The following MYH11 variants were observed in gnomAD, a reference collection of about 807,000 sequenced individuals.
MYH11 encodes the protein myosin-11.
A neutral mutation model predicts 246.6 loss-of-function variants in MYH11; 80 were observed. The observed-to-expected ratio is 0.32, with a 90% CI of 0.27 to 0.39. The LOEUF (loss-of-function observed/expected upper bound fraction) is 0.39. MYH11 is among the 10% of genes least tolerant of loss of function. The pLI is 1.00. For synonymous variants in MYH11, 1,071 were observed against 1,015.5 expected (o/e 1.05, Z -1.04); for missense variants, 2,158 against 2,546.8 (o/e 0.85, Z 3.29).
intron 33 of MYH11, 79 bp downstream of exon 33, chr16:15,720,760 C>T: frequency 6.8e-7 from 1 of 1,467,660 alleles, no homozygotes; most frequent in Non-Finnish European, 9.5e-7. Context: ...ACGAAGTTTC[C>T]ACACCAACCA....
At chr16:15,845,971 T>C (rs1260172883) in intron 1 of MYH11, among the ~76,000 whole-genome samples, 1 of 152,032 alleles carries the variant, frequency 6.6e-6, no homozygotes, top group African/African-American at 2.4e-5. Context: ...TGGTGGTACG[T>C]GCCTGTAGCC....
rs140143700 is a variant in MYH11 at position 15,737,538 on chromosome 16, G to A, written c.3204C>T (p.His1068=). ...RKLEGDASDF[H]EQIADLQAQI... ...GCGCCTGGAGGTCAGCGATCTGCTC[G>A]TGGAAGTCGCTGGCATCACCCTCCA... Residue 1068 remains histidine (H), a synonymous_variant, in exon 25 of 41, where the codon CAC becomes CAT. Coordinates refer to ENST00000300036, the MANE Select transcript of MYH11 (RefSeq NM_002474.3). The A allele has an allele frequency of 1.7e-5, 27 of 1,613,898 alleles. No individual in the cohort carries two copies. The African/African-American group carries it at 1.9e-4, about 11-fold the overall frequency.
chr16:15,703,232 C>T lies in MYH11; in HGVS notation c.*759G>A, dbSNP rs1261320983. The T allele has an allele frequency of 4.7e-5, 10 of 214,120 alleles. No individual in the cohort carries two copies. The East Asian group carries it at 6.9e-4, about 15-fold the overall frequency. 13.3% of individuals were successfully genotyped at this position (214,120 alleles called of 1,614,324 possible). ...GCTCCCCTCCGTGGGAGCAGCGTCT[C>T]CTTTTCAATTCATGTGACTACAGAA... On this transcript the variant is annotated 3_prime_UTR_variant, in exon 41 of 41. Transcript: ENST00000300036.
At chr16:15,801,267 A>G (rs576868093) in intron 3 of MYH11, among the ~76,000 whole-genome samples, 3 of 152,306 alleles carry the variant, frequency 2.0e-5, no homozygotes, top group African/African-American at 7.2e-5. Flanking sequence ...AACCAGGCAG[A>G]GCTTTGTGGA....
intron 6 of MYH11, chr16:15,779,162 T>G (rs2042291428): frequency 2.3e-6 from 1 of 431,924 alleles, no homozygotes; most frequent in Admixed American, 3.5e-5. Flanking sequence ...AAGGTTTTGC[T>G]CTGTCAGCGA....
chr16:15,713,653 A>T (rs2039948421), intron 40 of MYH11: 1 of 152,176 alleles, frequency 6.6e-6, no homozygotes, highest in Non-Finnish European at 1.5e-5. Flanking sequence ...GCGCCATCCC[A>T]CCTGGCTGAT....
At chr16:15,794,090 C>A (rs2042686204) in intron 4 of MYH11, among the ~76,000 whole-genome samples, 1 of 148,820 alleles carries the variant, frequency 6.7e-6, no homozygotes, top group Non-Finnish European at 1.5e-5. Flanking sequence ...ACTACAGGCA[C>A]CCGCCACCAT....
chr16:15,784,618 G>A (rs2074198109), intron 5 of MYH11: 3 of 1,500,138 alleles, frequency 2.0e-6, no homozygotes, highest in Admixed American at 1.7e-5. Flanking sequence ...ACGGGACTCG[G>A]TGGGTGCAAG....
rs188303994 is a variant in MYH11 at position 15,731,535 on chromosome 16, A to G, written c.3651+1029T>C. 3.4e-3 allele frequency among the ~76,000 whole-genome samples: 507 copies of G among 150,852 alleles called. 2 individuals carry two copies. Among genetic ancestry groups the G allele is most frequent in the Admixed American group, 6.8e-3 (102 of 15,060 alleles). ...GAGATGGCGGCTCACTCTGTCGCCC[A>G]GACTGGAGTGCAGTAGCACGATCTG... On this transcript the variant is annotated intron_variant, in intron 27 of 40. Transcript: ENST00000300036.
chr16:15,720,087 T>C, intron 34 of MYH11, 64 bp downstream of exon 34: 1 of 1,609,484 alleles, frequency 6.2e-7, no homozygotes, highest in Non-Finnish European at 8.5e-7. Context: ...TCTGCTGACT[T>C]CGGTGGCCTG....
intron 28 of MYH11, chr16:15,725,880 A>G (rs537423794): frequency 5.3e-5 from 21 of 393,098 alleles, no homozygotes; most frequent in Non-Finnish European, 7.2e-5. Flanking sequence ...GTAAGGATCA[A>G]CATACATGTA....
chr16:15,786,358 G>A (rs997091352), intron 5 of MYH11: 9 of 594,810 alleles, frequency 1.5e-5, no homozygotes, highest in African/African-American at 3.7e-5. Flanking sequence ...AAGCCCCGAC[G>A]TGGAGGAAGA....
intron 3 of MYH11, among the ~76,000 whole-genome samples, chr16:15,807,888 G>A (rs753330000): frequency 8.5e-5 from 13 of 152,256 alleles, no homozygotes; most frequent in South Asian, 4.1e-4. Context: ...CAGCTATTTC[G>A]GCCCAAGCCC....
intron 6 of MYH11, among the ~76,000 whole-genome samples, chr16:15,779,774 C>G (rs1201778723): frequency 6.6e-6 from 1 of 152,212 alleles, no homozygotes; most frequent in African/African-American, 2.4e-5. Flanking sequence ...ATCTACCTGC[C>G]TCAGCTAAGC....
At chr16:15,777,104 T>TACACAC (rs111888764) in intron 7 of MYH11, among the ~76,000 whole-genome samples, 76 of 147,982 alleles carry the variant, frequency 5.1e-4, no homozygotes, top group African/African-American at 1.8e-3. Context: ...CACGCACACA[T>TACACAC]ACACACACAC....
intron 10 of MYH11, 55 bp downstream of exon 10, chr16:15,763,741 T>TGGGGGGCCCCCCCCC: frequency 3.1e-6 from 2 of 646,856 alleles, no homozygotes; most frequent in Non-Finnish European, 2.9e-6. Flanking sequence ...AAATGTCACC[T>TGGGGGGCCCCCCCCC]CCCCCACCCC....
chr16:15,763,738 A>G (rs1338537817), intron 10 of MYH11, 58 bp downstream of exon 10: 11 of 717,584 alleles, frequency 1.5e-5, no homozygotes, highest in East Asian at 2.8e-5. Context: ...GTTAAATGTC[A>G]CCTCCCCCAC....
At chr16:15,745,054 C>T in intron 20 of MYH11, 75 bp downstream of exon 20, 2 of 1,169,380 alleles carry the variant, frequency 1.7e-6, no homozygotes, top group Non-Finnish European at 2.6e-6. Context: ...CACCTCCTGT[C>T]CCAAATGTGA....
intron 18 of MYH11, 47 bp from the exon 19 acceptor site, chr16:15,747,777 T>A (rs753412596): frequency 6.2e-7 from 1 of 1,613,216 alleles, no homozygotes; most frequent in Non-Finnish European, 8.5e-7. Context: ...ACTGTGCCAT[T>A]TGGCCAGTGA....
Sources: allele counts gnomAD v4.1 joint callset (sites outside exome capture counted in the v4.1 genomes callset), GRCh38; gene constraint gnomAD v4.1.1; transcripts MANE v1.5; gene names NCBI Gene and HGNC (gene_info 2026-07-23, HGNC 2026-07-21).